RPH3AL: variants seen among roughly 807,000 people sequenced by gnomAD.
RPH3AL encodes the protein rabphilin 3A like (without C2 domains), also known as rab effector Noc2.
A neutral mutation model predicts 43.1 loss-of-function variants in RPH3AL; 38 were observed. That is an observed-to-expected ratio of 0.88 (90% CI 0.68 to 1.15). RPH3AL has a LOEUF of 1.15. Among genes scored for constraint, RPH3AL ranks in the 50% most tolerant of loss-of-function variants. The probability of loss-of-function intolerance (pLI) is 0.00; values close to 1 mark genes in which losing one functional copy is unlikely to be tolerated. For synonymous variants in RPH3AL, 189 were observed against 176.3 expected (o/e 1.07, Z -0.57); for missense variants, 462 against 423.2 (o/e 1.09, Z -0.81).
intron 7 of RPH3AL, among the ~76,000 whole-genome samples, chr17:235,865 G>C (rs1256454145): frequency 1.4e-5 from 2 of 145,538 alleles, no homozygotes; most frequent in African/African-American, 5.0e-5. Context: ...TTCAAAGCTG[G>C]GGTCGGCCGA....
intron 7 of RPH3AL, among the ~76,000 whole-genome samples, chr17:243,772 C>A (rs1555538317): frequency 1.3e-5 from 2 of 150,974 alleles, no homozygotes; most frequent in Non-Finnish European, 3.0e-5. Context: ...CTATTGACTA[C>A]CTTCCTCTAT....
intron 1 of RPH3AL, 154 bp from the exon 2 acceptor site, chr17:334,088 C>CA (rs2044874292): frequency 6.5e-6 from 1 of 152,704 alleles, no homozygotes; most frequent in Non-Finnish European, 1.5e-5. Flanking sequence ...CCTGAGTGAC[C>CA]AGTGGCTGGG....
At chr17:314,988 C>A (rs967534477) in intron 5 of RPH3AL, among the ~76,000 whole-genome samples, 1 of 106,190 alleles carries the variant, frequency 9.4e-6, no homozygotes, top group Non-Finnish European at 2.0e-5. Flanking sequence ...CTGTGCCCCA[C>A]CTCCATTGAC....
rs2042271836 is a variant in RPH3AL, at chr17:264,370, A to ACC, written c.439-17086_439-17085insGG. Among the ~76,000 whole-genome samples, 1 of 71,978 alleles carries ACC rather than the reference A, an allele frequency of 1.4e-5. No individual in the cohort carries two copies. Among genetic ancestry groups the ACC allele is most frequent in the Non-Finnish European group, 2.9e-5 (1 of 35,072 alleles). The allele number at this position is 71,978 out of a possible 152,430, so 47.2% of individuals were successfully genotyped here. A position where few individuals can be genotyped will look rare whatever the true frequency, so the allele number is the denominator to read the frequency against. On this transcript the variant is annotated intron_variant, in intron 6 of 9. Transcript: ENST00000331302. This position sits in a 1 kb window ranked among gnomAD's most constrained non-coding sequence, Gnocchi z 4.8. ...CGCTGGATGGGGACTCAGAATCCGC[A>ACC]GCACGTTGACAGCAGGATTACCCTT...
chr17:306,703 C>G (rs1279372630), intron 5 of RPH3AL: 1 of 152,286 alleles, frequency 6.6e-6, no homozygotes, highest in Admixed American at 6.6e-5. Flanking sequence ...CCTTGGATGG[C>G]TCTGCTGCCT....
chr17:215,689 CT>C lies in RPH3AL; in HGVS notation c.840del (p.Gly282AspfsTer6). The C allele has an allele frequency of 1.6e-5, 21 of 1,275,922 alleles. No homozygotes were observed. The highest frequency in any genetic ancestry group is 2.1e-5 in the Non-Finnish European group (21 of 1,005,722). 79.0% of individuals were successfully genotyped at this position (1,275,922 alleles called of 1,614,324 possible). A position where few individuals can be genotyped will look rare whatever the true frequency, so the allele number is the denominator to read the frequency against. On this transcript the variant is annotated frameshift_variant, in exon 9 of 10. Coordinates refer to ENST00000331302, the MANE Select transcript of RPH3AL (RefSeq NM_006987.4). LOFTEE classifies it high-confidence loss of function. The surrounding 1 kb of genome is among the most constrained non-coding windows in gnomAD (Gnocchi z 4.1). Reference sequence around the variant, plus strand: ...CGGGTCAGCCCGGGGCGGGGTCCCCCTGGCGGGTCAGCAGAGCCTGTCCCCG... The same window carrying C: ...CGGGTCAGCCCGGGGCGGGGTCCCCCGGCGGGTCAGCAGAGCCTGTCCCCG... The part of the protein sequence containing the change: ...GETGTGSADP[P>X]GGPRPGLTRR...
intron 5 of RPH3AL, among the ~76,000 whole-genome samples, chr17:286,930 A>C: frequency 8.5e-6 from 1 of 117,540 alleles, no homozygotes. Flanking sequence ...CCACCGTCAG[A>C]CCTCGCACCC....
intron 6 of RPH3AL, chr17:247,504 G>C (rs923977326): frequency 1.7e-5 from 9 of 525,228 alleles, no homozygotes; most frequent in African/African-American, 5.8e-5. Context: ...CCTTATTTTA[G>C]AGTTGAGGAC....
intron 3 of RPH3AL, among the ~76,000 whole-genome samples, chr17:325,033 A>C (rs981790062): frequency 1.7e-4 from 25 of 150,964 alleles, no homozygotes; most frequent in Middle Eastern, 3.4e-3. Flanking sequence ...TAATTTTTGT[A>C]TTTTTAGGAG....
At position 284,669 on chromosome 17, in the gene RPH3AL, C is replaced by G. The variant is rs556705224; in HGVS notation, c.352-2815G>C. Among the ~76,000 whole-genome samples the G allele has an allele frequency of 2.0e-5, 3 of 152,276 alleles. No homozygotes were observed. The East Asian group carries it at 5.8e-4, about 30-fold the overall frequency. On this transcript the variant is annotated intron_variant, in intron 5 of 9. Coordinates refer to ENST00000331302, the MANE Select transcript of RPH3AL (RefSeq NM_006987.4). ...TTGCACCCCACAGGTGCCCTCGCAG[C>G]CTGGCCTCTCCCCCGGGGGCCGCCT...
At chr17:321,504 C>G in intron 3 of RPH3AL, 89 bp from the exon 4 acceptor site, 2 of 1,412,788 alleles carry the variant, frequency 1.4e-6, no homozygotes, top group Non-Finnish European at 1.9e-6. Context: ...CCCCCGAGAA[C>G]AGTCAGTGGA....
At chr17:321,167 G>C (rs2044459519) in intron 4 of RPH3AL, 105 bp downstream of exon 4, 2 of 1,401,002 alleles carry the variant, frequency 1.4e-6, no homozygotes, top group Non-Finnish European at 1.9e-6. Flanking sequence ...CACTCCCAGA[G>C]GTAAATAGCA....
intron 7 of RPH3AL, among the ~76,000 whole-genome samples, chr17:227,246 A>G (rs1385823260): frequency 3.3e-5 from 5 of 152,228 alleles, no homozygotes; most frequent in Non-Finnish European, 7.3e-5. Context: ...GGGAGAGGCC[A>G]GCTTTTCTTT....
rs575629715 is a variant in RPH3AL at position 274,801 on chromosome 17, T to C, written c.438+6967A>G. On this transcript the variant is annotated intron_variant, in intron 6 of 9. Coordinates refer to ENST00000331302, the MANE Select transcript of RPH3AL (RefSeq NM_006987.4). This position sits in a 1 kb window ranked among gnomAD's most constrained non-coding sequence, Gnocchi z 4.7. ...AGGGGAAAACCTCCAAAGTGTTTAG[T>C]GCAGGTGAATGTGGCATGCTAGGGC... Among the ~76,000 whole-genome samples, 1 of 152,268 alleles carries C rather than the reference T, an allele frequency of 6.6e-6. No individual in the cohort carries two copies. Among genetic ancestry groups the C allele is most frequent in the East Asian group, 1.9e-4 (1 of 5,188 alleles).
At chr17:263,239 C>G (rs1189635772) in intron 6 of RPH3AL, among the ~76,000 whole-genome samples, 3 of 152,172 alleles carry the variant, frequency 2.0e-5, no homozygotes, top group East Asian at 3.8e-4. Context: ...GGTACCAAAG[C>G]TGACGGAAGA....
chr17:271,426 T>C (rs61592405), intron 6 of RPH3AL, among the ~76,000 whole-genome samples: 1 of 152,340 alleles, frequency 6.6e-6, no homozygotes, highest in African/African-American at 2.4e-5. Flanking sequence ...TGTTCTTCCA[T>C]TTGTTTGTGC....
rs186448364 is a variant in RPH3AL at position 281,749 on chromosome 17, G to A, written c.438+19C>T. 1.0e-4 allele frequency: 139 copies of A among 1,352,892 alleles called. No homozygotes were observed. Among genetic ancestry groups the A allele is most frequent in the African/African-American group, 9.3e-4 (58 of 62,550 alleles). 83.8% of individuals were successfully genotyped at this position (1,352,892 alleles called of 1,614,324 possible). ...TCCAGCCCACTCAGCCCTCCCCACC[G>A]TCACCCTGGACGCCCTACCTCTCTT... On this transcript the variant is annotated intron_variant, in intron 6 of 9. Coordinates refer to ENST00000331302, the MANE Select transcript of RPH3AL (RefSeq NM_006987.4).
In RPH3AL at chr17:225,333, G is replaced by T. The variant is rs1226661446; in HGVS notation, c.614-5597C>A. On this transcript the variant is annotated intron_variant, in intron 7 of 9. Coordinates refer to ENST00000331302, the MANE Select transcript of RPH3AL (RefSeq NM_006987.4). The surrounding 1 kb of genome is among the most constrained non-coding windows in gnomAD (Gnocchi z 4.4). ...TACTTGAGAAATGCAAGGAAAACCT[G>T]CCTTATTTTGCAGTTGTTTTTCGGG... Among the ~76,000 whole-genome samples the T allele has an allele frequency of 6.6e-6, 1 of 152,136 alleles. No homozygotes were observed. Among genetic ancestry groups the T allele is most frequent in the Non-Finnish European group, 1.5e-5 (1 of 68,030 alleles).
intron 7 of RPH3AL, among the ~76,000 whole-genome samples, chr17:237,446 C>T (rs1029181811): frequency 3.3e-5 from 5 of 152,042 alleles, no homozygotes; most frequent in Non-Finnish European, 2.9e-5. Context: ...GAAGGATGGA[C>T]GGTGGAAGGC....
Sources: gnomAD v4.1 joint callset for allele counts (sites outside exome capture counted in the v4.1 genomes callset) on GRCh38, gnomAD v4.1.1 for gene constraint, Gnocchi (gnomAD v3.1) non-coding constraint, MANE v1.5 for transcripts, NCBI Gene and HGNC (gene_info 2026-07-23, HGNC 2026-07-21) for gene names.